Variants in ZMIZ1 observed in about 807,000 individuals in gnomAD.
ZMIZ1 encodes zinc finger MIZ domain-containing protein 1.
In ZMIZ1, 17 loss-of-function variants were observed where a neutral mutation model predicts 113.9. That is an observed-to-expected ratio of 0.15 (90% confidence interval 0.10 to 0.22). The LOEUF is 0.22. ZMIZ1 is among the 10% of genes least tolerant of loss of function. The pLI, the probability that ZMIZ1 is intolerant of heterozygous loss-of-function variation, is 1.00. For missense variants in ZMIZ1, 1,059 were observed against 1,477.8 expected, an observed-to-expected ratio of 0.72 and a Z score of 4.65; for synonymous variants, 607 against 603.1, an observed-to-expected ratio of 1.01 and a Z score of -0.09.
At chr10:79,230,910 A>T (rs890938083) in intron 7 of ZMIZ1, among the ~76,000 whole-genome samples, 4 of 152,222 alleles carry the variant, frequency 2.6e-5, no homozygotes, top group African/African-American at 9.6e-5. Flanking sequence ...CTAAAGAAGG[A>T]GGGCACAGGT....
chr10:79,076,901 G>T (rs901256150), intron 1 of ZMIZ1, among the ~76,000 whole-genome samples: 1 of 152,096 alleles, frequency 6.6e-6, no homozygotes, highest in Non-Finnish European at 1.5e-5. Flanking sequence ...CTCATCTGCC[G>T]GGACCTGTTT....
intron 6 of ZMIZ1, 76 bp from the exon 7 acceptor site, chr10:79,216,093 C>T: frequency 1.8e-6 from 2 of 1,120,514 alleles, no homozygotes; most frequent in Non-Finnish European, 2.4e-6. Flanking sequence ...ACCTCACCCA[C>T]TTCACCTGCA....
chr10:79,100,828 G>C (rs2132259798), intron 1 of ZMIZ1, among the ~76,000 whole-genome samples: 1 of 152,316 alleles, frequency 6.6e-6, no homozygotes, highest in Non-Finnish European at 1.5e-5. Context: ...TATCTGAAGG[G>C]AGTGATTTCC....
At chr10:79,253,823 A>G (rs1379459335) in intron 7 of ZMIZ1, among the ~76,000 whole-genome samples, 3 of 152,130 alleles carry the variant, frequency 2.0e-5, no homozygotes, top group African/African-American at 4.8e-5. Context: ...AGTGTCCATC[A>G]TGCCCTGTGT....
At chr10:79,159,803 G>A (rs1330957256) in intron 3 of ZMIZ1, among the ~76,000 whole-genome samples, 1 of 152,200 alleles carries the variant, frequency 6.6e-6, no homozygotes, top group Non-Finnish European at 1.5e-5. Context: ...ACTTATGGCT[G>A]GGTGACCCTA....
chr10:79,297,577 G>A, intron 13 of ZMIZ1, 36 bp from the exon 14 acceptor site: 2 of 1,589,788 alleles, frequency 1.3e-6, no homozygotes, highest in Non-Finnish European at 8.6e-7. Context: ...TGGCTTTTCT[G>A]CCCCCCACTC....
rs769187139 is a variant in ZMIZ1, at chr10:79,093,175, CAT to C, written c.-337+23908_-337+23909del. Reference sequence around the variant, plus strand: ...ACACACACACACACACACACACACACATATTCAGGGGATGCTTTAGGTTCTCT... The same window carrying C: ...ACACACACACACACACACACACACACATTCAGGGGATGCTTTAGGTTCTCT... On this transcript the variant is annotated intron_variant, in intron 1 of 24. Coordinates refer to ENST00000334512, the MANE Select transcript of ZMIZ1 (RefSeq NM_020338.4). Among the ~76,000 whole-genome samples the C allele has an allele frequency of 4.7e-3, 357 of 75,626 alleles. 3 individuals are homozygous for C. The highest frequency in any genetic ancestry group is 0.022 in the Middle Eastern group (3 of 138). The allele number at this position is 75,626 out of a possible 152,430, so 49.6% of individuals were successfully genotyped here. A position where few individuals can be genotyped will look rare whatever the true frequency, so the allele number is the denominator to read the frequency against.
At chr10:79,269,751 C>T (rs1379377610) in intron 7 of ZMIZ1, among the ~76,000 whole-genome samples, 1 of 152,138 alleles carries the variant, frequency 6.6e-6, no homozygotes, top group Non-Finnish European at 1.5e-5. Flanking sequence ...ACTGTCCGCA[C>T]CTCCCCTTGC....
chr10:79,281,027 GT>G (rs910694530), intron 8 of ZMIZ1, among the ~76,000 whole-genome samples: 2 of 152,124 alleles, frequency 1.3e-5, no homozygotes, highest in Non-Finnish European at 2.9e-5. Context: ...TCTCCTCCAA[GT>G]TATTTTAGTA....
intron 4 of ZMIZ1, among the ~76,000 whole-genome samples, chr10:79,195,420 G>A (rs1460019941): frequency 1.3e-5 from 2 of 152,252 alleles, no homozygotes; most frequent in African/African-American, 4.8e-5. Flanking sequence ...CCCATTCAGG[G>A]GCAGTAGGAA....
At chr10:79,243,879 G>A (rs150430589) in intron 7 of ZMIZ1, 2,285 of 156,278 alleles carry the variant, frequency 0.015, 54 homozygotes, top group African/African-American at 0.052. Context: ...TGTGCTGCAT[G>A]GTGTCAGCCC....
intron 7 of ZMIZ1, among the ~76,000 whole-genome samples, chr10:79,229,126 T>C (rs185111786): frequency 6.6e-5 from 10 of 152,336 alleles, no homozygotes; most frequent in Admixed American, 1.3e-4. Context: ...CAATTCTGTT[T>C]CCATGGTAAC....
At chr10:79,257,324 C>T (rs144683890) in intron 7 of ZMIZ1, among the ~76,000 whole-genome samples, 9 of 152,330 alleles carry the variant, frequency 5.9e-5, no homozygotes, top group African/African-American at 1.4e-4. Context: ...CAGGAGAAGC[C>T]GGATGACCCT....
intron 3 of ZMIZ1, among the ~76,000 whole-genome samples, chr10:79,152,620 C>T (rs971846381): frequency 6.6e-6 from 1 of 152,262 alleles, no homozygotes; most frequent in Non-Finnish European, 1.5e-5. Context: ...GGGCTGCTTT[C>T]TCCGCCCTGC....
At chr10:79,283,201 C>A (rs1227335738) in intron 8 of ZMIZ1, among the ~76,000 whole-genome samples, 1 of 152,196 alleles carries the variant, frequency 6.6e-6, no homozygotes, top group African/African-American at 2.4e-5. Context: ...ATTTATGAAC[C>A]CCAACAGAGA....
At chr10:79,150,533 A>C (rs1300162787) in intron 3 of ZMIZ1, among the ~76,000 whole-genome samples, 1 of 152,198 alleles carries the variant, frequency 6.6e-6, no homozygotes, top group Non-Finnish European at 1.5e-5. Flanking sequence ...GGGAGCCAGG[A>C]GGCTGGGGCT....
intron 6 of ZMIZ1, 48 bp downstream of exon 6, chr10:79,208,497 T>G: frequency 6.5e-7 from 1 of 1,530,970 alleles, no homozygotes; most frequent in Non-Finnish European, 9.0e-7. Flanking sequence ...GAAGGTCAGC[T>G]GAGTGCTAGC....
intron 15 of ZMIZ1, 148 bp downstream of exon 15, chr10:79,298,728 A>G: frequency 1.3e-6 from 1 of 789,880 alleles, no homozygotes; most frequent in Non-Finnish European, 1.9e-6. Flanking sequence ...GGCACACTCA[A>G]GGCGGGGTAG....
intron 6 of ZMIZ1, among the ~76,000 whole-genome samples, chr10:79,213,853 T>C (rs891972436): frequency 1.3e-5 from 2 of 152,180 alleles, no homozygotes; most frequent in Non-Finnish European, 2.9e-5. Flanking sequence ...TCAGAGATAA[T>C]AATAATAATA....
Sources: allele counts gnomAD v4.1 joint callset (sites outside exome capture counted in the v4.1 genomes callset), GRCh38; gene constraint gnomAD v4.1.1; transcripts MANE v1.5; gene names NCBI Gene and HGNC (gene_info 2026-07-23, HGNC 2026-07-21).